The following TK2 variants were observed in gnomAD, a reference collection of about 807,000 sequenced individuals.
The protein encoded by TK2 is thymidine kinase 2, mitochondrial.
TK2 carries 35 observed loss-of-function variants against 41.9 expected under a neutral mutation model. The observed-to-expected ratio is 0.84, with a 90% CI of 0.64 to 1.11. The LOEUF is 1.11. Ranked by LOEUF, TK2 falls within the 50% of genes least tolerant of loss-of-function variation. The pLI, the probability that TK2 is intolerant of heterozygous loss-of-function variation, is 0.00. For missense variants in TK2, 320 were observed against 351.1 expected, an observed-to-expected ratio of 0.91 and a Z score of 0.71; for synonymous variants, 128 against 129.1, an observed-to-expected ratio of 0.99 and a Z score of 0.06.
intron 6 of TK2, 124 bp from the exon 7 acceptor site, chr16:66,518,001 T>C (rs778048981): frequency 1.2e-6 from 1 of 809,858 alleles, no homozygotes; most frequent in African/African-American, 1.7e-5. Flanking sequence ...GGGCACAGTG[T>C]GATCCGTGCA....
chr16:66,517,804 A>G lies in TK2; in HGVS notation c.523T>C (p.Ser175Pro), dbSNP rs746831795. 1 of 1,614,042 alleles carries G rather than the reference A, an allele frequency of 6.2e-7. No individual in the cohort carries two copies. Among genetic ancestry groups the G allele is most frequent in the Non-Finnish European group, 8.5e-7 (1 of 1,179,972 alleles). Residue 175 changes from serine (S) to proline (P), a missense_variant, in exon 7 of 10, where the codon TCT becomes CCT. Transcript: ENST00000544898. This position sits in a 1 kb window ranked among gnomAD's most constrained non-coding sequence, Gnocchi z 4.3. ...FDWILRNMDV[S>P]VDLIVYLRTN... is the part of the protein sequence containing the mutation. ...TGCATCTCACCTATCAAATCAACAGACACGTCCATGTTCCTCAAGATCCAG... is the reference window on the plus strand; with the variant it reads ...TGCATCTCACCTATCAAATCAACAGGCACGTCCATGTTCCTCAAGATCCAG...
rs1270656026 is a variant in TK2 at position 66,524,669 on chromosome 16, A to G, written c.449+4325T>C. Among the ~76,000 whole-genome samples, 4 of 152,158 alleles carry G rather than the reference A, an allele frequency of 2.6e-5. 1 individual carries two copies. The highest frequency in any genetic ancestry group is 9.7e-5 in the African/African-American group (4 of 41,434). ...CCTTCTTCTGAGGCCCGTATTCCTCAAAGTGTGATCCCCGACCAGTAGGAG... is the reference window on the plus strand; with the variant it reads ...CCTTCTTCTGAGGCCCGTATTCCTCGAAGTGTGATCCCCGACCAGTAGGAG... On this transcript the variant is annotated intron_variant, in intron 6 of 9. Coordinates refer to ENST00000544898, the MANE Select transcript of TK2 (RefSeq NM_004614.5).
At chr16:66,522,887 C>T (rs1307974655) in intron 6 of TK2, among the ~76,000 whole-genome samples, 1 of 152,036 alleles carries the variant, frequency 6.6e-6, no homozygotes, top group African/African-American at 2.4e-5. Flanking sequence ...AAGAAGTTCC[C>T]GTCTTTAAGG....
chr16:66,528,619 T>C (rs73596617), intron 6 of TK2, among the ~76,000 whole-genome samples: 4,082 of 152,262 alleles, frequency 0.027, 198 homozygotes, highest in African/African-American at 0.095. Context: ...CTTCTACCCT[T>C]TGTCACCGTG....
rs1399277138 is a variant in TK2 at position 66,517,948 on chromosome 16, A to G, written c.450-71T>C. 2.3e-6 allele frequency: 3 copies of G among 1,283,012 alleles called. No individual in the cohort carries two copies. The highest frequency in any genetic ancestry group is 2.4e-5 in the South Asian group (2 of 84,182). The allele number at this position is 1,283,012 out of a possible 1,614,324, so 79.5% of individuals were successfully genotyped here. On this transcript the variant is annotated intron_variant, in intron 6 of 9. Transcript: ENST00000544898. This position sits in a 1 kb window ranked among gnomAD's most constrained non-coding sequence, Gnocchi z 4.3. ...TGGGCTATGCAATTCCCCCAAAAGGATCTTGAGACGGCTCTCAATGAAAGG... is the reference window on the plus strand; with the variant it reads ...TGGGCTATGCAATTCCCCCAAAAGGGTCTTGAGACGGCTCTCAATGAAAGG...
intron 6 of TK2, among the ~76,000 whole-genome samples, chr16:66,528,354 A>C (rs1044466506): frequency 2.6e-5 from 4 of 152,170 alleles, no homozygotes; most frequent in African/African-American, 9.7e-5. Flanking sequence ...GCCCCTAACT[A>C]GGTATACATC....
At position 66,508,755 on chromosome 16, in the gene TK2, A is replaced by T. The variant is rs1330769520; in HGVS notation, c.*3213T>A. The T allele has an allele frequency of 6.6e-6, 1 of 152,300 alleles. No individual in the cohort carries two copies. Among genetic ancestry groups the T allele is most frequent in the Admixed American group, 6.5e-5 (1 of 15,284 alleles). The allele number at this position is 152,300 out of a possible 1,614,324, so 9.4% of individuals were successfully genotyped here. A position where few individuals can be genotyped will look rare whatever the true frequency, so the allele number is the denominator to read the frequency against. ...TTCCCCAGGCGGGGGGACACTTCTC[A>T]TCTAGGTAAAGGGCTCCTACGGAAA... is the stretch of plus-strand genomic sequence containing the variant. On this transcript the variant is annotated 3_prime_UTR_variant, in exon 10 of 10. Transcript: ENST00000544898.
chr16:66,530,437 C>T (rs539228002), intron 5 of TK2, among the ~76,000 whole-genome samples: 1 of 152,298 alleles, frequency 6.6e-6, no homozygotes, highest in South Asian at 2.1e-4. Flanking sequence ...ATGGAATAGG[C>T]CTAAGCAGCC....
chr16:66,518,575 C>A (rs754172000), intron 6 of TK2, among the ~76,000 whole-genome samples: 17 of 152,188 alleles, frequency 1.1e-4, no homozygotes, highest in Non-Finnish European at 2.2e-4. Flanking sequence ...TCATGATGCT[C>A]ACCGCGGCAC....
rs374871099 is a variant in TK2 at position 66,547,013 on chromosome 16, G to A, written c.156+1965C>T. On this transcript the variant is annotated intron_variant, in intron 2 of 9. Transcript: ENST00000544898. The stretch of plus-strand genomic sequence containing the variant: ...AGCAATCCTCCCACCTTTGCCTCCC[G>A]AAGTGCTGGGATTATAGGCATGAGC... 2.0e-4 allele frequency among the ~76,000 whole-genome samples: 30 copies of A among 152,136 alleles called. 1 individual carries two copies. The Middle Eastern group carries it at 0.01, about 52-fold the overall frequency.
intron 6 of TK2, among the ~76,000 whole-genome samples, chr16:66,526,031 C>T (rs989611940): frequency 1.3e-5 from 2 of 152,152 alleles, no homozygotes; most frequent in Admixed American, 1.3e-4. Flanking sequence ...AGAACTGACG[C>T]ATCAGAAATG....
chr16:66,511,999 A>C lies in TK2; in HGVS notation c.767T>G (p.Leu256Ter). 6.2e-7 allele frequency: 1 copy of C among 1,614,168 alleles called. No individual in the cohort carries two copies. Residue 256 changes from leucine to a stop codon, truncating the protein, a stop_gained, in exon 10 of 10, where the codon TTA becomes TGA. Coordinates refer to ENST00000544898, the MANE Select transcript of TK2 (RefSeq NM_004614.5). LOFTEE classifies it high-confidence loss of function. ...ELFEQNRDRI[L>*]TPENRKHCP is the part of the protein sequence containing the mutation. ...GCAATGCTTCCGATTCTCTGGAGTT[A>C]ATATTCGATCCCGATTTTGTTCAAA...
At chr16:66,528,881 G>T in intron 6 of TK2, 113 bp downstream of exon 6, 1 of 1,005,480 alleles carries the variant, frequency 9.9e-7, no homozygotes, top group East Asian at 2.5e-5. Flanking sequence ...TATGGCAATG[G>T]ATAACTGATA....
At chr16:66,518,071 G>T (rs965890121) in intron 6 of TK2, 194 bp from the exon 7 acceptor site, 2 of 638,274 alleles carry the variant, frequency 3.1e-6, no homozygotes. Flanking sequence ...GCCTGGGAGC[G>T]GCTTATGGCA....
chr16:66,527,901 G>A (rs1964983435), intron 6 of TK2, among the ~76,000 whole-genome samples: 1 of 152,026 alleles, frequency 6.6e-6, no homozygotes, highest in South Asian at 2.1e-4. Flanking sequence ...GTGTGGTGGT[G>A]TGTGCCTGTA....
intron 9 of TK2, 75 bp downstream of exon 9, chr16:66,513,656 G>C (rs1213019968): frequency 5.7e-6 from 8 of 1,391,340 alleles, no homozygotes; most frequent in Non-Finnish European, 6.1e-6. Flanking sequence ...TCCCCTGTCT[G>C]CAAGGTGGCT....
intron 6 of TK2, among the ~76,000 whole-genome samples, chr16:66,520,260 A>G (rs1964741549): frequency 6.6e-6 from 1 of 152,110 alleles, no homozygotes; most frequent in Non-Finnish European, 1.5e-5. Flanking sequence ...TCAGGTGACA[A>G]CTTTGTGTCC....
Position 66,528,991 on chromosome 16 carries a change from T to G in TK2, c.449+3A>C. On this transcript the variant is annotated splice_donor_region_variant and intron_variant, in intron 6 of 9. Transcript: ENST00000544898. Reference sequence around the variant, plus strand: ...AAATTATCAACTATTCAAACTACAGTACCTTCTATACAGGTTTTCTACAAA... The same window carrying G: ...AAATTATCAACTATTCAAACTACAGGACCTTCTATACAGGTTTTCTACAAA... 6.2e-7 allele frequency: 1 copy of G among 1,613,838 alleles called. No individual in the cohort carries two copies. Among genetic ancestry groups the G allele is most frequent in the Non-Finnish European group, 8.5e-7 (1 of 1,179,754 alleles).
chr16:66,512,480 T>C (rs1361158310), intron 9 of TK2, among the ~76,000 whole-genome samples: 1 of 152,154 alleles, frequency 6.6e-6, no homozygotes. Flanking sequence ...GCTGTACTTA[T>C]TTAAAAATCT....
Sources: allele counts gnomAD v4.1 joint callset (sites outside exome capture counted in the v4.1 genomes callset), GRCh38; gene constraint gnomAD v4.1.1; non-coding constraint Gnocchi (gnomAD v3.1); transcripts MANE v1.5; gene names NCBI Gene and HGNC (gene_info 2026-07-23, HGNC 2026-07-21).